Variants in RPP40 observed in about 807,000 individuals in gnomAD.
RPP40 encodes the protein ribonuclease P protein subunit p40.
Under a neutral mutation model 42.5 loss-of-function variants are expected in RPP40, and 30 were observed. The ratio of observed to expected loss-of-function variants is 0.71; its 90% CI spans 0.53 to 0.96. RPP40 has a LOEUF of 0.96. RPP40 is among the 40% of genes least tolerant of loss of function. The pLI, the probability that RPP40 is intolerant of heterozygous loss-of-function variation, is 0.00. For synonymous variants in RPP40, 173 were observed against 164.0 expected (o/e 1.05, Z -0.42); for missense variants, 426 against 433.5 (o/e 0.98, Z 0.15).
At chr6:4,994,145 G>A (rs2127538940), downstream of RPP40, among the ~76,000 whole-genome samples, 1 of 145,718 alleles carries the variant, frequency 6.9e-6, no homozygotes, top group Admixed American at 7.1e-5. Flanking sequence ...TGGTTCTTCA[G>A]ACAAAAAACC....
chr6:4,998,876 C>A, intron 4 of RPP40, 35 bp from the exon 5 acceptor site: 1 of 1,268,546 alleles, frequency 7.9e-7, no homozygotes, highest in Non-Finnish European at 1.1e-6. Context: ...ATATTTCATT[C>A]ATATACGTAC....
intron 3 of RPP40, 28 bp downstream of exon 3, chr6:5,000,535 A>T: frequency 7.9e-7 from 1 of 1,259,866 alleles, no homozygotes; most frequent in Non-Finnish European, 1.1e-6. Context: ...TTTAACAATT[A>T]AAGAAAGATG....
chr6:4,995,215 C>G lies in RPP40; in HGVS notation c.955G>C (p.Asp319His), dbSNP rs1201665855. Reference sequence around the variant, plus strand: ...TTTTTTTCCCAAGAAACAGGGCTGTCTGCAAAGCCTTGAACGGACAGTGTA... The same window carrying G: ...TTTTTTTCCCAAGAAACAGGGCTGTGTGCAAAGCCTTGAACGGACAGTGTA... ...WVTLSVQGFADSPVSWEKNEH... is the reference protein window; with the variant it reads ...WVTLSVQGFAHSPVSWEKNEH... Residue 319 changes from aspartate (D) to histidine (H), a missense_variant, in exon 8 of 8, where the codon GAC (aspartate) becomes CAC (histidine). By Grantham distance (81) the Asp-to-His change is moderately conservative (BLOSUM62 -1). Transcript: ENST00000380051. The G allele has an allele frequency of 6.2e-7, 1 of 1,614,002 alleles. No homozygotes were observed. The highest frequency in any genetic ancestry group is 8.5e-7 in the Non-Finnish European group (1 of 1,180,016).
chr6:5,000,747 C>A, intron 2 of RPP40, 116 bp from the exon 3 acceptor site: 1 of 698,794 alleles, frequency 1.4e-6, no homozygotes, highest in South Asian at 1.7e-5. Flanking sequence ...CAGTTTCTAC[C>A]CCTGCTCCAG....
intron 2 of RPP40, chr6:5,001,082 ACGGAACGT>A: frequency 2.2e-6 from 1 of 457,104 alleles, no homozygotes; most frequent in South Asian, 1.5e-5. Flanking sequence ...CTGACTCAGA[ACGGAACGT>A]GACCTTTGGG....
At chr6:4,997,418 C>T (rs1243241147) in intron 5 of RPP40, among the ~76,000 whole-genome samples, 1 of 152,218 alleles carries the variant, frequency 6.6e-6, no homozygotes, top group African/African-American at 2.4e-5. Context: ...AGCAGAACTC[C>T]AGGTTCTCTA....
Position 4,999,857 on chromosome 6 carries a change from G to A in RPP40, c.385C>T (p.Leu129Phe), listed in dbSNP as rs778032118. 2.4e-5 allele frequency: 38 copies of A among 1,609,572 alleles called. No homozygotes were observed. The highest frequency in any genetic ancestry group is 3.1e-5 in the Non-Finnish European group (36 of 1,176,446). Residue 129 changes from leucine to phenylalanine, a missense_variant, in exon 4 of 8, where the codon CTT (leucine) becomes TTT (phenylalanine). Physicochemically the swap from Leu to Phe is conservative, Grantham distance 22. Coordinates refer to ENST00000380051, the MANE Select transcript of RPP40 (RefSeq NM_006638.4). ...LDKDTYEETG[L>F]QGHPSQFSGR... ...GAAAACTGAGATGGATGACCCTGAA[G>A]TCCAGTTTCTTCATAAGTGTCTTTA...
At chr6:5,002,886 C>A (rs1202508033) in intron 1 of RPP40, among the ~76,000 whole-genome samples, 1 of 152,206 alleles carries the variant, frequency 6.6e-6, no homozygotes, top group Non-Finnish European at 1.5e-5. Context: ...CAAACACCAG[C>A]CTGTTCTGAC....
chr6:4,994,799 A>C lies in RPP40; in HGVS notation c.*279T>G, dbSNP rs1759317982. ...AACCAATGGAGTGAGATGGGGACCA[A>C]TATCCCCGGTCCCTGGACATCCTGG... is the stretch of plus-strand genomic sequence containing the variant. On this transcript the variant is annotated 3_prime_UTR_variant, in exon 8 of 8. Transcript: ENST00000380051. 3 of 378,002 alleles carry C rather than the reference A, an allele frequency of 7.9e-6. No individual in the cohort carries two copies. In the East Asian group the frequency reaches 1.2e-4, roughly 16 times the overall value. 23.4% of individuals were successfully genotyped at this position (378,002 alleles called of 1,614,324 possible).
intron 2 of RPP40, chr6:5,000,969 A>C (rs1026800210): frequency 2.2e-6 from 1 of 450,498 alleles, no homozygotes; most frequent in Non-Finnish European, 4.4e-6. Context: ...CATGCAGAAG[A>C]CCAAGCATGC....
intron 1 of RPP40, among the ~76,000 whole-genome samples, chr6:5,002,864 T>C (rs967440197): frequency 6.6e-6 from 1 of 152,220 alleles, no homozygotes; most frequent in Non-Finnish European, 1.5e-5. Flanking sequence ...AAGTCATCAC[T>C]GTCCCAAGGC....
chr6:4,990,881 T>C (rs1393794372), downstream of RPP40, among the ~76,000 whole-genome samples: 4 of 152,132 alleles, frequency 2.6e-5, no homozygotes, highest in Non-Finnish European at 4.4e-5. Context: ...CTTTGGTAAT[T>C]TGTGCCTTTC....
chr6:5,003,374 T>TAAAAA (rs1759640362), intron 1 of RPP40, among the ~76,000 whole-genome samples: 1 of 78,218 alleles, frequency 1.3e-5, no homozygotes. Flanking sequence ...AAAAGGAAAA[T>TAAAAA]CAGTCGCTTC....
Position 4,997,994 on chromosome 6 carries a change from A to G in RPP40, c.559+722T>C, listed in dbSNP as rs3804549. On this transcript the variant is annotated intron_variant, in intron 5 of 7. Transcript: ENST00000380051. Reference sequence around the variant, plus strand: ...CTGCCCTCTTTTCTATCTACCATATATGGAAGGAGAGGCACCGAAGGCCAG... The same window carrying G: ...CTGCCCTCTTTTCTATCTACCATATGTGGAAGGAGAGGCACCGAAGGCCAG... Among the ~76,000 whole-genome samples the G allele has an allele frequency of 8.2e-3, 1,254 of 152,340 alleles. 54 individuals are homozygous for G. The East Asian group carries it at 0.15, about 18-fold the overall frequency.
At position 4,996,407 on chromosome 6, in the gene RPP40, C is replaced by T; in HGVS notation, c.573G>A (p.Ser191=). Residue 191 remains serine, a synonymous_variant, in exon 6 of 8, where the codon TCG becomes TCA. Transcript: ENST00000380051. ...LAWHKTGSEE[S]TMMSYFSKYQ... ...ACTTGGAAAAATATGACATCATTGT[C>T]GATTCTTCTGAACCTTAAAAACACA... The T allele has an allele frequency of 1.2e-6, 2 of 1,612,906 alleles. No homozygotes were observed. The highest frequency in any genetic ancestry group is 1.3e-5 in the African/African-American group (1 of 74,994).
Position 4,995,072 on chromosome 6 carries a change from T to A in RPP40, c.*6A>T, listed in dbSNP as rs1759327514. 3 of 1,602,572 alleles carry A rather than the reference T, an allele frequency of 1.9e-6. No individual in the cohort carries two copies. The highest frequency in any genetic ancestry group is 1.7e-5 in the Admixed American group (1 of 57,464). On this transcript the variant is annotated 3_prime_UTR_variant, in exon 8 of 8. Coordinates refer to ENST00000380051, the MANE Select transcript of RPP40 (RefSeq NM_006638.4). ...GTAAGTAAACACGATTTTTAATTTT[T>A]ATTTTTTATGGTGGACAGTGATCAT...
chr6:5,001,076 C>T (rs1224683816), intron 2 of RPP40: 2 of 457,212 alleles, frequency 4.4e-6, no homozygotes, highest in South Asian at 3.1e-5. Context: ...AAAAAACTGA[C>T]TCAGAACGGA....
chr6:5,001,974 T>G, intron 2 of RPP40, 127 bp downstream of exon 2: 2 of 769,454 alleles, frequency 2.6e-6, no homozygotes, highest in Non-Finnish European at 4.2e-6. Flanking sequence ...AGAACGCGTG[T>G]GCACCTGACC....
intron 2 of RPP40, chr6:5,001,735 T>G (rs2127543145): frequency 5.5e-6 from 1 of 181,078 alleles, no homozygotes; most frequent in Admixed American, 5.9e-5. Flanking sequence ...AGACCAACCC[T>G]CTGAGACAGC....
Sources: allele counts gnomAD v4.1 joint callset (sites outside exome capture counted in the v4.1 genomes callset), GRCh38; gene constraint gnomAD v4.1.1; transcripts MANE v1.5; gene names NCBI Gene and HGNC (gene_info 2026-07-23, HGNC 2026-07-21).